AHRR: variants seen among roughly 807,000 people sequenced by gnomAD.
AHRR encodes aryl hydrocarbon receptor repressor, also known as ahR repressor.
In AHRR, 28 loss-of-function variants were observed where a neutral mutation model predicts 44.0. That is an observed-to-expected ratio of 0.64 (90% CI 0.47 to 0.87). AHRR has a LOEUF of 0.87. AHRR is among the 40% of genes least tolerant of loss of function. The probability of loss-of-function intolerance (pLI) is 0.00; values close to 1 mark genes in which losing one functional copy is unlikely to be tolerated. For missense variants in AHRR, 990 were observed against 953.9 expected (o/e 1.04, Z -0.50); for synonymous variants, 434 against 407.0 (o/e 1.07, Z -0.80).
In AHRR at chr5:434,696, C is replaced by T. The variant is rs780151039; in HGVS notation, c.1956C>T (p.Ala652=). 1 of 1,573,184 alleles carries T rather than the reference C, an allele frequency of 6.4e-7. No individual in the cohort carries two copies. The highest frequency in any genetic ancestry group is 1.2e-5 in the South Asian group (1 of 85,840). The change falls in exon 11 of 11, where the codon GCC becomes GCT. Residue 652 remains alanine, a synonymous_variant. Transcript: ENST00000684583. ...GCACCTGCAGAGCTGCTGAGGCCGC[C>T]CCTGTGGTCAAGCGGGAGCCCTTGG... is the stretch of plus-strand genomic sequence containing the variant. ...QSCTCRAAEA[A]PVVKREPLDS... is the part of the protein sequence containing the mutation.
intron 1 of AHRR, among the ~76,000 whole-genome samples, chr5:330,959 C>T (rs1395489851): frequency 1.4e-5 from 2 of 147,438 alleles, no homozygotes; most frequent in African/African-American, 2.5e-5. Context: ...CTGCAAGCTC[C>T]GTCTCCTCCC....
intron 1 of AHRR, among the ~76,000 whole-genome samples, chr5:325,329 G>A (rs1180039000): frequency 6.6e-6 from 1 of 152,222 alleles, no homozygotes; most frequent in Non-Finnish European, 1.5e-5. Flanking sequence ...GACCTCAAGG[G>A]GTGGTCGAGT....
intron 5 of AHRR, among the ~76,000 whole-genome samples, chr5:415,788 C>T (rs996035677): frequency 3.3e-5 from 5 of 152,128 alleles, no homozygotes; most frequent in African/African-American, 1.2e-4. Flanking sequence ...CACACTAGTC[C>T]CTGACAAGTC....
intron 7 of AHRR, among the ~76,000 whole-genome samples, chr5:424,192 C>T (rs1479183633): frequency 2.3e-5 from 3 of 130,278 alleles, no homozygotes; most frequent in Non-Finnish European, 3.1e-5. Context: ...GGGCACTGAG[C>T]TCTGTGCACC....
intron 4 of AHRR, among the ~76,000 whole-genome samples, chr5:409,058 C>T (rs746913825): frequency 2.9e-4 from 44 of 152,184 alleles, no homozygotes; most frequent in Non-Finnish European, 5.3e-4. Flanking sequence ...TTGGCCTGTT[C>T]TTAGATGTCA....
At chr5:407,149 G>A (rs73034669) in intron 4 of AHRR, among the ~76,000 whole-genome samples, 11,886 of 152,112 alleles carry the variant, frequency 0.078, 1,430 homozygotes, top group African/African-American at 0.26. Flanking sequence ...CTGTGCTTTT[G>A]TAGCTATCAT....
rs973659029 is a variant in AHRR, at chr5:326,374, C to T, written c.-11+4555C>T. Among the ~76,000 whole-genome samples the T allele has an allele frequency of 1.4e-4, 22 of 152,222 alleles. No homozygotes were observed. The highest frequency in any genetic ancestry group is 5.1e-4 in the African/African-American group (21 of 41,458). On this transcript the variant is annotated intron_variant, in intron 1 of 10. Coordinates refer to ENST00000684583, the MANE Select transcript of AHRR (RefSeq NM_001377236.1). The surrounding 1 kb of genome is among the most constrained non-coding windows in gnomAD (Gnocchi z 4.1). Reference sequence around the variant, plus strand: ...TCTGTGTCCAGCTTCTTTCACGCATCACAGCGTTTTTAGGGTCCATCCATG... The same window carrying T: ...TCTGTGTCCAGCTTCTTTCACGCATTACAGCGTTTTTAGGGTCCATCCATG...
At chr5:385,518 T>C (rs1184085329) in intron 4 of AHRR, among the ~76,000 whole-genome samples, 1 of 152,192 alleles carries the variant, frequency 6.6e-6, no homozygotes, top group African/African-American at 2.4e-5. Flanking sequence ...TATAGAATTC[T>C]GGGTAGTTAT....
chr5:434,426 C>T lies in AHRR; in HGVS notation c.1686C>T (p.His562=), dbSNP rs1215884631. Reference sequence around the variant, plus strand: ...GGCTGGGGGCCAGTGACAGGAGCCACCCAGCCACCTTCCCTACCAGGATGC... The same window carrying T: ...GGCTGGGGGCCAGTGACAGGAGCCATCCAGCCACCTTCCCTACCAGGATGC... The part of the protein sequence containing the change: ...QVWLGASDRS[H]PATFPTRMHL... Residue 562 remains histidine, a synonymous_variant, in exon 11 of 11, where the codon CAC becomes CAT. Coordinates refer to ENST00000684583, the MANE Select transcript of AHRR (RefSeq NM_001377236.1). The T allele has an allele frequency of 6.2e-7, 1 of 1,613,282 alleles. No individual in the cohort carries two copies. Among genetic ancestry groups the T allele is most frequent in the African/African-American group, 1.3e-5 (1 of 74,936 alleles).
In AHRR at chr5:434,512, T is replaced by G. The variant is rs1329736245; in HGVS notation, c.1772T>G (p.Val591Gly). 1 of 1,612,382 alleles carries G rather than the reference T, an allele frequency of 6.2e-7. No individual in the cohort carries two copies. The highest frequency in any genetic ancestry group is 1.3e-5 in the African/African-American group (1 of 74,916). ...QVYISHLGHG[V>G]RGAQPHGRAT... ...TACATCTCGCACCTGGGGCACGGCG[T>G]GCGGGGGGCTCAGCCCCATGGGAGG... Residue 591 changes from valine to glycine, a missense_variant, in exon 11 of 11, where the codon GTG becomes GGG. Val to Gly is a moderately radical substitution (Grantham distance 109, BLOSUM62 -3). Transcript: ENST00000684583.
chr5:425,240 A>G (rs1366567741), intron 7 of AHRR, among the ~76,000 whole-genome samples: 1 of 152,234 alleles, frequency 6.6e-6, no homozygotes, highest in African/African-American at 2.4e-5. Flanking sequence ...CCAGCTCTCC[A>G]CAGGCCCCAG....
chr5:433,667 GTGCTGGCACAGCCTCCTGGGC>G (rs1354561489), intron 10 of AHRR, among the ~76,000 whole-genome samples, 165 bp from the exon 11 acceptor site: 1 of 151,412 alleles, frequency 6.6e-6, no homozygotes, highest in Non-Finnish European at 1.5e-5. Flanking sequence ...TGGGGGTGGG[GTGCTGGCACAGCCTCCTGGGC>G]TGCTGGGGGG....
chr5:332,929 C>CTTT (rs57937804), intron 1 of AHRR, among the ~76,000 whole-genome samples: 13 of 132,060 alleles, frequency 9.8e-5, no homozygotes, highest in Admixed American at 3.0e-4. Context: ...TGACCTTTGT[C>CTTT]TTTTTTTTTT....
intron 1 of AHRR, among the ~76,000 whole-genome samples, chr5:335,750 C>T (rs1490527815): frequency 1.3e-5 from 2 of 152,236 alleles, no homozygotes; most frequent in African/African-American, 4.8e-5. Flanking sequence ...GCTCCCCCAT[C>T]CTGGCTGTTG....
intron 2 of AHRR, among the ~76,000 whole-genome samples, chr5:352,444 G>A (rs1283823054): frequency 1.4e-5 from 2 of 146,354 alleles, no homozygotes; most frequent in African/African-American, 2.5e-5. Context: ...GTCACTGTGA[G>A]GTTAAATGGG....
intron 4 of AHRR, among the ~76,000 whole-genome samples, chr5:392,564 C>T (rs1457179794): frequency 6.6e-6 from 1 of 152,140 alleles, no homozygotes; most frequent in African/African-American, 2.4e-5. Flanking sequence ...GCTGGGGAAA[C>T]CCAACAGTGA....
intron 4 of AHRR, among the ~76,000 whole-genome samples, chr5:400,307 G>A (rs1007836715): frequency 2.2e-4 from 33 of 152,196 alleles, no homozygotes; most frequent in African/African-American, 7.7e-4. Context: ...AGGAAGTTCC[G>A]GCTTTCTCAG....
At chr5:390,640 G>A (rs900224606) in intron 4 of AHRR, among the ~76,000 whole-genome samples, 13 of 152,152 alleles carry the variant, frequency 8.5e-5, no homozygotes, top group Admixed American at 5.2e-4. Flanking sequence ...CAGGAAGATC[G>A]GAGGGCAGGG....
Position 427,826 on chromosome 5 carries a change from A to G in AHRR, c.728A>G (p.Lys243Arg), listed in dbSNP as rs1430753557. ...SGFLTMQFQGKLKFLFGQKKK... is the reference protein window; with the variant it reads ...SGFLTMQFQGRLKFLFGQKKK... ...CACCAGACGATGCAGTTTCAAGGAAAACTAAAATTCCTGTTTGGACAGAAG... is the reference window on the plus strand; with the variant it reads ...CACCAGACGATGCAGTTTCAAGGAAGACTAAAATTCCTGTTTGGACAGAAG... The change falls in exon 8 of 11, where the codon AAA becomes AGA. Residue 243 changes from lysine (K) to arginine (R), a missense_variant. Physicochemically the swap from Lys to Arg is conservative, Grantham distance 26. Coordinates refer to ENST00000684583, the MANE Select transcript of AHRR (RefSeq NM_001377236.1). The G allele has an allele frequency of 6.2e-7, 1 of 1,614,194 alleles. No individual in the cohort carries two copies. Among genetic ancestry groups the G allele is most frequent in the East Asian group, 2.2e-5 (1 of 44,888 alleles).
Sources: gnomAD v4.1 joint callset for allele counts (sites outside exome capture counted in the v4.1 genomes callset) on GRCh38, gnomAD v4.1.1 for gene constraint, Gnocchi (gnomAD v3.1) non-coding constraint, MANE v1.5 for transcripts, NCBI Gene and HGNC (gene_info 2026-07-23, HGNC 2026-07-21) for gene names.